ZCWPW2: variants seen among roughly 807,000 people sequenced by gnomAD.
ZCWPW2 encodes the protein zinc finger CW-type and PWWP domain containing 2.
A neutral mutation model predicts 46.6 loss-of-function variants in ZCWPW2; 45 were observed. The ratio of observed to expected loss-of-function variants is 0.96; its 90% CI spans 0.76 to 1.24. The LOEUF is 1.24. ZCWPW2 is among the 50% of genes most tolerant of loss of function. ZCWPW2 has a pLI of 0.00. For synonymous variants in ZCWPW2, 152 were observed against 137.1 expected (o/e 1.11, Z -0.76); for missense variants, 429 against 403.9 (o/e 1.06, Z -0.53).
intron 4 of ZCWPW2, among the ~76,000 whole-genome samples, chr3:28,444,366 C>T (rs1697900111): frequency 6.6e-6 from 1 of 152,136 alleles, no homozygotes; most frequent in African/African-American, 2.4e-5. Context: ...TCCCTGGCAG[C>T]TGCATCAGGG....
At chr3:28,412,936 A>C in intron 2 of ZCWPW2, 120 bp from the exon 3 acceptor site, 2 of 707,310 alleles carry the variant, frequency 2.8e-6, no homozygotes, top group South Asian at 4.0e-5. Flanking sequence ...TCTTTGTAGG[A>C]TAGAGAGGGG....
intron 2 of ZCWPW2, among the ~76,000 whole-genome samples, chr3:28,409,139 T>C (rs2125736893): frequency 6.8e-6 from 1 of 146,778 alleles, no homozygotes; most frequent in Admixed American, 6.8e-5. Context: ...TTTTTTTTTT[T>C]TTTTTGAGTC....
At chr3:28,365,773 C>G (rs1248945437) in intron 1 of ZCWPW2, among the ~76,000 whole-genome samples, 2 of 140,944 alleles carry the variant, frequency 1.4e-5, no homozygotes, top group South Asian at 4.6e-4. Flanking sequence ...TTCTTCCTAC[C>G]CATGAGCATG....
At chr3:28,402,890 G>A (rs1281059199) in intron 2 of ZCWPW2, among the ~76,000 whole-genome samples, 1 of 152,008 alleles carries the variant, frequency 6.6e-6, no homozygotes, top group Non-Finnish European at 1.5e-5. Context: ...CATACAAGGA[G>A]CAAAGTTCAG....
At chr3:28,490,404 G>T (rs1277626260) in intron 5 of ZCWPW2, among the ~76,000 whole-genome samples, 1 of 152,018 alleles carries the variant, frequency 6.6e-6, no homozygotes, top group Non-Finnish European at 1.5e-5. Flanking sequence ...CAATAGCAAA[G>T]ACATGGAATT....
intron 6 of ZCWPW2, among the ~76,000 whole-genome samples, chr3:28,501,385 G>A (rs1700138288): frequency 6.6e-6 from 1 of 152,094 alleles, no homozygotes; most frequent in African/African-American, 2.4e-5. Context: ...TGGAAGACAG[G>A]CTTATGTCTC....
chr3:28,370,001 T>C (rs979618088), intron 1 of ZCWPW2, among the ~76,000 whole-genome samples: 3 of 152,214 alleles, frequency 2.0e-5, no homozygotes, highest in African/African-American at 7.2e-5. Context: ...CTAATACCGT[T>C]GGAAAAGTGC....
chr3:28,499,426 G>C lies in ZCWPW2; in HGVS notation c.657+7253G>C, dbSNP rs143228606. Among the ~76,000 whole-genome samples, 380 of 152,042 alleles carry C rather than the reference G, an allele frequency of 2.5e-3. 1 individual carries two copies. Among genetic ancestry groups the C allele is most frequent in the African/African-American group, 8.4e-3 (347 of 41,504 alleles). ...ATGATGAGCTTTTTTTCATATGTTT[G>C]TTGGCCACATAAATGTCTTCTTTTG... On this transcript the variant is annotated intron_variant, in intron 6 of 9. Coordinates refer to ENST00000383768, the MANE Select transcript of ZCWPW2 (RefSeq NM_001040432.4).
At chr3:28,420,852 T>C (rs1358985765) in intron 3 of ZCWPW2, among the ~76,000 whole-genome samples, 1 of 152,176 alleles carries the variant, frequency 6.6e-6, no homozygotes, top group African/African-American at 2.4e-5. Context: ...CTCTCTGTTG[T>C]TCAGATTGGT....
chr3:28,386,854 A>C (rs1457919308), intron 1 of ZCWPW2, among the ~76,000 whole-genome samples: 1 of 151,986 alleles, frequency 6.6e-6, no homozygotes, highest in African/African-American at 2.4e-5. Flanking sequence ...GATCAACTGT[A>C]TTTTAGATTC....
At chr3:28,487,168 A>G (rs1308492483) in intron 5 of ZCWPW2, among the ~76,000 whole-genome samples, 1 of 152,114 alleles carries the variant, frequency 6.6e-6, no homozygotes, top group African/African-American at 2.4e-5. Flanking sequence ...GGGGGAAATT[A>G]TCAGTTATTA....
Position 28,435,143 on chromosome 3 carries a change from A to C in ZCWPW2, c.366A>C (p.Lys122Asn). 1.9e-6 allele frequency: 3 copies of C among 1,612,294 alleles called. No homozygotes were observed. The African/African-American group carries it at 4.0e-5, about 21-fold the overall frequency. ...WPGILCPDRF[K>N]GKYVTYDPDG... ...GAATACTTTGCCCTGACCGTTTTAA[A>C]GGGAAATATGTAACTTATGACCCGG... The change falls in exon 4 of 10, where the codon AAA becomes AAC. Residue 122 changes from lysine to asparagine, a missense_variant. By Grantham distance (94) the Lys-to-Asn change is moderately conservative (BLOSUM62 0). Coordinates refer to ENST00000383768, the MANE Select transcript of ZCWPW2 (RefSeq NM_001040432.4).
intron 8 of ZCWPW2, among the ~76,000 whole-genome samples, chr3:28,519,069 C>A (rs1700653275): frequency 6.6e-6 from 1 of 152,162 alleles, no homozygotes; most frequent in Non-Finnish European, 1.5e-5. Flanking sequence ...GTTTTAGAAT[C>A]TAGCATTCTA....
intron 2 of ZCWPW2, among the ~76,000 whole-genome samples, chr3:28,394,232 G>T (rs555937175): frequency 6.6e-6 from 1 of 152,066 alleles, no homozygotes; most frequent in East Asian, 1.9e-4. Context: ...TGAGAGATCT[G>T]TACACTGAAA....
chr3:28,471,419 T>C (rs1699036852), intron 4 of ZCWPW2, among the ~76,000 whole-genome samples: 2 of 151,934 alleles, frequency 1.3e-5, no homozygotes, highest in African/African-American at 4.8e-5. Context: ...ATCAAGTGGG[T>C]TTTATCCCAG....
chr3:28,417,204 A>G (rs1181220947), intron 3 of ZCWPW2, among the ~76,000 whole-genome samples: 2 of 152,102 alleles, frequency 1.3e-5, no homozygotes, highest in African/African-American at 4.8e-5. Flanking sequence ...TCCCACAGAA[A>G]TACAAACTAC....
intron 5 of ZCWPW2, among the ~76,000 whole-genome samples, chr3:28,485,346 T>A (rs1037360284): frequency 6.6e-6 from 1 of 152,156 alleles, no homozygotes; most frequent in African/African-American, 2.4e-5. Context: ...GAGTGTTTCA[T>A]GTGGGCATAA....
Position 28,349,129 on chromosome 3 carries a change from C to A in ZCWPW2, c.-208C>A. Reference sequence around the variant, plus strand: ...TGCAGGAGTGGCGCGCGGCGTACTACATGTCCCGTGAGCCTCCGCGGCGGG... The same window carrying A: ...TGCAGGAGTGGCGCGCGGCGTACTAAATGTCCCGTGAGCCTCCGCGGCGGG... On this transcript the variant is annotated 5_prime_UTR_variant, in exon 1 of 10. An upstream open reading frame in the 5' UTR gains an earlier in-frame stop. Coordinates refer to ENST00000383768, the MANE Select transcript of ZCWPW2 (RefSeq NM_001040432.4). 2.0e-6 allele frequency: 2 copies of A among 985,712 alleles called. No homozygotes were observed. The highest frequency in any genetic ancestry group is 3.5e-5 in the African/African-American group (2 of 57,344). 61.1% of individuals were successfully genotyped at this position (985,712 alleles called of 1,614,324 possible). A position where few individuals can be genotyped will look rare whatever the true frequency, so the allele number is the denominator to read the frequency against.
chr3:28,424,048 T>G (rs1043025143), intron 3 of ZCWPW2, among the ~76,000 whole-genome samples: 5 of 152,158 alleles, frequency 3.3e-5, no homozygotes, highest in African/African-American at 1.2e-4. Flanking sequence ...ATTCTAAAAC[T>G]ATACCACCAT....
Sources: gnomAD v4.1 joint callset for allele counts (sites outside exome capture counted in the v4.1 genomes callset) on GRCh38, gnomAD v4.1.1 for gene constraint, MANE v1.5 for transcripts, NCBI Gene and HGNC (gene_info 2026-07-23, HGNC 2026-07-21) for gene names.